RRAS2: variants seen among roughly 807,000 people sequenced by gnomAD.
The protein encoded by RRAS2 is RAS related 2.
A neutral mutation model predicts 27.6 loss-of-function variants in RRAS2; 7 were observed. That is an observed-to-expected ratio of 0.25 (90% CI 0.14 to 0.48). The LOEUF is 0.48. Ranked by LOEUF, RRAS2 falls within the 20% of genes least tolerant of loss-of-function variation. The pLI, the probability that RRAS2 is intolerant of heterozygous loss-of-function variation, is 0.99. For missense variants in RRAS2, 178 were observed against 256.2 expected (o/e 0.69, Z 2.08); for synonymous variants, 86 against 90.9 (o/e 0.95, Z 0.31).
chr11:14,364,440 C>T, exon 1 of RRAS2: 2 of 1,527,810 alleles, frequency 1.3e-6, no homozygotes, highest in Non-Finnish European at 1.8e-6. Context: ...TGGGCCATTG[C>T]TTTTAATGTG....
intron 1 of RRAS2, among the ~76,000 whole-genome samples, chr11:14,296,607 G>A (rs1847558077): frequency 6.6e-6 from 1 of 152,032 alleles, no homozygotes; most frequent in East Asian, 1.9e-4. Context: ...AAAGAGGCCT[G>A]GAACATTTCA....
chr11:14,307,367 T>G (rs750157779), intron 1 of RRAS2, among the ~76,000 whole-genome samples: 14 of 152,026 alleles, frequency 9.2e-5, no homozygotes, highest in Non-Finnish European at 1.8e-4. Context: ...TGAAATACAA[T>G]AGTTCAAGAC....
intron 4 of RRAS2, among the ~76,000 whole-genome samples, chr11:14,289,951 T>C (rs184422194): frequency 1.1e-3 from 160 of 151,632 alleles, no homozygotes; most frequent in African/African-American, 3.6e-3. Flanking sequence ...AAGACAAAGG[T>C]AGAAAAAAAC....
chr11:14,358,794 C>T lies in RRAS2; in HGVS notation c.77G>A (p.Gly26Asp). Residue 26 changes from glycine to aspartate, a missense_variant, in exon 1 of 6, where the codon GGC (glycine) becomes GAC (aspartate). Gly to Asp is a moderately conservative substitution (Grantham distance 94). Transcript: ENST00000256196. The surrounding 1 kb of genome is among the most constrained non-coding windows in gnomAD (Gnocchi z 5.1). ...GAACTGGATGGTGAGCGCCGACTTG[C>T]CCACGCCGCCCCCGCCGACCACCAC... is the stretch of plus-strand genomic sequence containing the variant. ...RLVVVGGGGV[G>D]KSALTIQFIQ... The T allele has an allele frequency of 2.0e-6, 3 of 1,486,278 alleles. No individual in the cohort carries two copies. Among genetic ancestry groups the T allele is most frequent in the South Asian group, 1.2e-5 (1 of 82,168 alleles). The allele number at this position is 1,486,278 out of a possible 1,614,324, so 92.1% of individuals were successfully genotyped here. A position where few individuals can be genotyped will look rare whatever the true frequency, so the allele number is the denominator to read the frequency against.
chr11:14,339,772 T>G (rs549747811), intron 1 of RRAS2, among the ~76,000 whole-genome samples: 2 of 152,208 alleles, frequency 1.3e-5, no homozygotes, highest in South Asian at 2.1e-4. Context: ...TGAATTTAAA[T>G]GTACTGGTTC....
intron 1 of RRAS2, among the ~76,000 whole-genome samples, chr11:14,357,504 T>A (rs1440098956): frequency 6.6e-6 from 1 of 152,306 alleles, no homozygotes; most frequent in Non-Finnish European, 1.5e-5. Flanking sequence ...ATACTGTAAA[T>A]GCTCATTACA....
intron 1 of RRAS2, among the ~76,000 whole-genome samples, chr11:14,327,916 AGC>A (rs1848397761): frequency 6.6e-6 from 1 of 152,242 alleles, no homozygotes; most frequent in Non-Finnish European, 1.5e-5. Context: ...AACATAGGAA[AGC>A]ATGGAGGAAA....
At chr11:14,324,617 T>C (rs1214721923) in intron 1 of RRAS2, among the ~76,000 whole-genome samples, 2 of 152,182 alleles carry the variant, frequency 1.3e-5, no homozygotes, top group African/African-American at 4.8e-5. Context: ...AAATTGTTTA[T>C]AAGTGTAAGA....
chr11:14,295,983 G>A (rs917712627), intron 1 of RRAS2, 128 bp from the exon 2 acceptor site: 34 of 709,126 alleles, frequency 4.8e-5, no homozygotes, highest in Admixed American at 1.0e-4. Flanking sequence ...GACCAGCCTG[G>A]GCAACACAGC....
intron 1 of RRAS2, among the ~76,000 whole-genome samples, chr11:14,303,191 T>C (rs1469079587): frequency 6.6e-6 from 1 of 152,196 alleles, no homozygotes; most frequent in Non-Finnish European, 1.5e-5. Context: ...TAGTAATAAG[T>C]TGTGATTTGG....
At chr11:14,302,365 A>T (rs1554947547) in intron 1 of RRAS2, among the ~76,000 whole-genome samples, 1 of 152,230 alleles carries the variant, frequency 6.6e-6, no homozygotes, top group African/African-American at 2.4e-5. Flanking sequence ...TCCTATTAAT[A>T]GATGCATTTA....
intron 1 of RRAS2, among the ~76,000 whole-genome samples, chr11:14,314,177 T>C (rs967485094): frequency 1.3e-5 from 2 of 152,228 alleles, no homozygotes; most frequent in South Asian, 2.1e-4. Context: ...ATGTCCATCA[T>C]TAAATGCCTT....
chr11:14,292,211 A>G (rs539227050), intron 4 of RRAS2, among the ~76,000 whole-genome samples: 148 of 152,248 alleles, frequency 9.7e-4, no homozygotes, highest in African/African-American at 3.5e-3. Context: ...TGATAATGGC[A>G]GAGCCTCTTT....
rs549136436 is a variant in RRAS2 at position 14,321,071 on chromosome 11, T to C, written c.109-25216A>G. Among the ~76,000 whole-genome samples the C allele has an allele frequency of 2.6e-5, 4 of 152,028 alleles. No homozygotes were observed. In the South Asian group the frequency reaches 8.3e-4, roughly 32 times the overall value. ...GGCAGGCGCCTGTAATCCCAGCTAC[T>C]TGGGAGGCTGAGGCAGGAGAATCAC... On this transcript the variant is annotated intron_variant, in intron 1 of 5. Transcript: ENST00000256196.
At chr11:14,347,710 G>A (rs1554954211) in intron 1 of RRAS2, among the ~76,000 whole-genome samples, 1 of 152,090 alleles carries the variant, frequency 6.6e-6, no homozygotes, top group East Asian at 1.9e-4. Flanking sequence ...CCGCGCTTTG[G>A]CAGGCAGAGG....
chr11:14,351,591 A>G (rs1848953490), intron 1 of RRAS2, among the ~76,000 whole-genome samples: 1 of 152,090 alleles, frequency 6.6e-6, no homozygotes, highest in African/African-American at 2.4e-5. Flanking sequence ...GTAGCCGGGC[A>G]TGGTGGCAAG....
chr11:14,344,202 T>C (rs2134026922), intron 1 of RRAS2, among the ~76,000 whole-genome samples: 1 of 152,212 alleles, frequency 6.6e-6, no homozygotes, highest in East Asian at 1.9e-4. Context: ...GGAAATTCCA[T>C]GCCATTATCT....
intron 1 of RRAS2, among the ~76,000 whole-genome samples, chr11:14,296,775 C>T (rs1000860428): frequency 1.3e-5 from 2 of 151,938 alleles, no homozygotes; most frequent in African/African-American, 4.8e-5. Flanking sequence ...AATTCTATTC[C>T]TCTCTTCTCT....
intron 4 of RRAS2, among the ~76,000 whole-genome samples, chr11:14,293,917 G>A (rs2133960724): frequency 1.3e-5 from 2 of 152,240 alleles, no homozygotes; most frequent in South Asian, 4.1e-4. Flanking sequence ...AAACAAGTGA[G>A]AATAAATTAG....
Sources: allele counts gnomAD v4.1 joint callset (sites outside exome capture counted in the v4.1 genomes callset), GRCh38; gene constraint gnomAD v4.1.1; non-coding constraint Gnocchi (gnomAD v3.1); transcripts MANE v1.5; gene names NCBI Gene and HGNC (gene_info 2026-07-23, HGNC 2026-07-21).